LTN1: variants seen among roughly 807,000 people sequenced by gnomAD.
LTN1 encodes E3 ubiquitin-protein ligase listerin.
In LTN1, 88 loss-of-function variants were observed where a neutral mutation model predicts 201.2. That is an observed-to-expected ratio of 0.44 (90% CI 0.37 to 0.52). The LOEUF (loss-of-function observed/expected upper bound fraction) is 0.52. Among genes scored for constraint, LTN1 ranks in the 20% least tolerant of loss-of-function variants. The pLI is 0.00. For missense variants in LTN1, 1,752 were observed against 2,038.7 expected (o/e 0.86, Z 2.71); for synonymous variants, 645 against 713.5 (o/e 0.90, Z 1.53).
intron 29 of LTN1, 77 bp downstream of exon 29, chr21:28,931,066 GGTGTGTGTGTGT>G (rs10608923): frequency 5.0e-5 from 29 of 578,640 alleles, no homozygotes; most frequent in South Asian, 5.0e-4. Flanking sequence ...ACATTGTGTA[GGTGTGTGTGTGT>G]GTGTGTGTGT....
At chr21:28,989,843 TG>T (rs2084731375) in intron 1 of LTN1, among the ~76,000 whole-genome samples, 1 of 152,010 alleles carries the variant, frequency 6.6e-6, no homozygotes, top group Non-Finnish European at 1.5e-5. Context: ...GGCAAAACCC[TG>T]TATCTATTAA....
chr21:28,984,977 A>T (rs1410289112), intron 3 of LTN1, 55 bp from the exon 4 acceptor site: 2 of 1,303,548 alleles, frequency 1.5e-6, no homozygotes, highest in Non-Finnish European at 2.2e-6. Context: ...AAACAATCAC[A>T]GACATTTCCG....
intron 4 of LTN1, among the ~76,000 whole-genome samples, chr21:28,982,690 CCT>C (rs765912941): frequency 6.6e-6 from 1 of 152,164 alleles, no homozygotes; most frequent in Admixed American, 6.5e-5. Flanking sequence ...TTTCCTCTCC[CCT>C]CTTTCTGTAA....
At chr21:28,942,815 A>C (rs1018635479) in intron 24 of LTN1, among the ~76,000 whole-genome samples, 5 of 152,196 alleles carry the variant, frequency 3.3e-5, no homozygotes, top group African/African-American at 1.2e-4. Context: ...CTTTAAAAAA[A>C]AGTTATCTAT....
At chr21:28,955,228 G>A (rs1365988728) in intron 16 of LTN1, among the ~76,000 whole-genome samples, 1 of 152,164 alleles carries the variant, frequency 6.6e-6, no homozygotes, top group Non-Finnish European at 1.5e-5. Context: ...AGCACTTTGG[G>A]AGGCTGAGGC....
chr21:28,932,718 A>G, intron 27 of LTN1, 54 bp from the exon 28 acceptor site: 1 of 1,262,456 alleles, frequency 7.9e-7, no homozygotes, highest in South Asian at 1.3e-5. Flanking sequence ...TTCAACCAGA[A>G]AACATTTTGA....
Position 28,947,583 on chromosome 21 carries a change from T to C in LTN1, c.3368A>G (p.Asn1123Ser). Reference sequence around the variant, plus strand: ...ACATAGACTTTGAATGGTATGCAAATTGCCTTCAGTTAGTGGAAAAAAACT... The same window carrying C: ...ACATAGACTTTGAATGGTATGCAAACTGCCTTCAGTTAGTGGAAAAAAACT... ...KESFFPLTEGNLHTIQSLCPF... is the reference protein window; with the variant it reads ...KESFFPLTEGSLHTIQSLCPF... Residue 1123 changes from asparagine (N) to serine (S), a missense_variant, in exon 19 of 30, where the codon AAT (asparagine) becomes AGT (serine). This residue lies in a region of LTN1 where 1,211 missense variants were observed against 1,312.8 expected (regional missense o/e 0.92). Coordinates refer to ENST00000361371, the MANE Select transcript of LTN1 (RefSeq NM_015565.3). The C allele has an allele frequency of 6.4e-7, 1 of 1,565,214 alleles. No individual in the cohort carries two copies. The highest frequency in any genetic ancestry group is 8.6e-7 in the Non-Finnish European group (1 of 1,165,496).
rs2084184256 is a variant in LTN1, at chr21:28,928,252, T to A, written c.*2196A>T. On this transcript the variant is annotated 3_prime_UTR_variant, in exon 30 of 30. Transcript: ENST00000361371. ...TTATATTATTATTTTTCTGCATATTTGAAATATTTTTAATTAAAAAGAATT... is the reference window on the plus strand; with the variant it reads ...TTATATTATTATTTTTCTGCATATTAGAAATATTTTTAATTAAAAAGAATT... 6.6e-6 allele frequency: 1 copy of A among 152,606 alleles called. No individual in the cohort carries two copies. The highest frequency in any genetic ancestry group is 1.5e-5 in the Non-Finnish European group (1 of 68,024). 9.5% of individuals were successfully genotyped at this position (152,606 alleles called of 1,614,324 possible).
In LTN1 at chr21:28,966,571, ACT is replaced by A; in HGVS notation, c.1918_1919del (p.Ser640TyrfsTer8). 2 of 1,614,074 alleles carry A rather than the reference ACT, an allele frequency of 1.2e-6. No homozygotes were observed. The highest frequency in any genetic ancestry group is 8.5e-7 in the Non-Finnish European group (1 of 1,180,012). ...TTTCAAGAGGTTTGGCTTGGACAAT[ACT>A]CTGTTTTTCATCACCAAGTAGCATT... The part of the protein sequence containing the change: ...FKMLLGDEKQ[S>X]IVQAKPLEIA... On this transcript the variant is annotated frameshift_variant, in exon 10 of 30. Coordinates refer to ENST00000361371, the MANE Select transcript of LTN1 (RefSeq NM_015565.3). LOFTEE classifies it high-confidence loss of function.
At chr21:28,970,511 A>G in intron 8 of LTN1, 41 bp downstream of exon 8, 1 of 1,348,460 alleles carries the variant, frequency 7.4e-7, no homozygotes, top group South Asian at 1.3e-5. Context: ...AAAACAAGAA[A>G]ATCTGTTTTG....
At chr21:28,934,179 T>G (rs913696970) in intron 27 of LTN1, among the ~76,000 whole-genome samples, 5 of 152,220 alleles carry the variant, frequency 3.3e-5, no homozygotes, top group Non-Finnish European at 7.3e-5. Context: ...TTCCCTTTAT[T>G]AGACTGTATG....
At chr21:28,978,666 G>A (rs765779475) in intron 6 of LTN1, among the ~76,000 whole-genome samples, 10 of 152,070 alleles carry the variant, frequency 6.6e-5, no homozygotes, top group Non-Finnish European at 1.3e-4. Context: ...AAGACACATG[G>A]GAGAGATGAC....
chr21:28,931,379 T>C (rs1601157636), intron 28 of LTN1, 57 bp from the exon 29 acceptor site: 1 of 1,003,912 alleles, frequency 1.0e-6, no homozygotes, highest in Non-Finnish European at 1.4e-6. Flanking sequence ...ATTTTATTTT[T>C]ATTCAATTTC....
chr21:28,967,858 TAG>T, intron 9 of LTN1: 1 of 152,210 alleles, frequency 6.6e-6, no homozygotes, highest in Middle Eastern at 3.4e-3. Context: ...TATCTCCAGG[TAG>T]ATAGTCAGAA....
chr21:28,989,293 G>A (rs1247382347), intron 1 of LTN1, among the ~76,000 whole-genome samples: 1 of 152,102 alleles, frequency 6.6e-6, no homozygotes, highest in Non-Finnish European at 1.5e-5. Context: ...GGGCAAAAGA[G>A]AAGGTATCAA....
intron 1 of LTN1, among the ~76,000 whole-genome samples, chr21:28,991,602 C>T (rs2084746935): frequency 6.6e-6 from 1 of 152,156 alleles, no homozygotes; most frequent in South Asian, 2.1e-4. Flanking sequence ...TATGGGATGT[C>T]GTTCTAATAT....
chr21:28,988,326 GC>G (rs2084717223), intron 1 of LTN1, among the ~76,000 whole-genome samples: 1 of 151,976 alleles, frequency 6.6e-6, no homozygotes, highest in East Asian at 1.9e-4. Context: ...AATTAGCCAG[GC>G]GTGGTGGCAT....
chr21:28,958,263 G>T, intron 14 of LTN1, 123 bp downstream of exon 14: 1 of 870,806 alleles, frequency 1.1e-6, no homozygotes. Context: ...CTGAGTAGCT[G>T]GGATTATAGG....
At chr21:28,971,565 A>C (rs964791497) in intron 6 of LTN1, 121 bp from the exon 7 acceptor site, 20 of 843,058 alleles carry the variant, frequency 2.4e-5, no homozygotes, top group Non-Finnish European at 3.0e-5. Context: ...AATAGCTAGA[A>C]AAAATACTTT....
Sources: gnomAD v4.1 joint callset for allele counts (sites outside exome capture counted in the v4.1 genomes callset) on GRCh38, gnomAD v4.1.1 for gene constraint, gnomAD v4.1.1 regional missense constraint, MANE v1.5 for transcripts, NCBI Gene and HGNC (gene_info 2026-07-23, HGNC 2026-07-21) for gene names.